The following CFAP20DC variants were observed in gnomAD, a reference collection of about 807,000 sequenced individuals.
CFAP20DC encodes protein CFAP20DC.
Under a neutral mutation model 101.7 loss-of-function variants are expected in CFAP20DC, and 84 were observed. The ratio of observed to expected loss-of-function variants is 0.83; its 90% CI spans 0.69 to 0.99. CFAP20DC has a LOEUF of 0.99. CFAP20DC is among the 50% of genes least tolerant of loss of function. CFAP20DC has a pLI of 0.00. For missense variants in CFAP20DC, 1,007 were observed against 970.3 expected, an observed-to-expected ratio of 1.04 and a Z score of -0.50; for synonymous variants, 359 against 351.2, an observed-to-expected ratio of 1.02 and a Z score of -0.25.
intron 15 of CFAP20DC, among the ~76,000 whole-genome samples, chr3:58,798,444 T>C (rs981048610): frequency 6.6e-6 from 1 of 152,198 alleles, no homozygotes; most frequent in African/African-American, 2.4e-5. Flanking sequence ...TGATCAAACC[T>C]GAATAGATGA....
chr3:58,808,520 A>G (rs2074312505), intron 14 of CFAP20DC, among the ~76,000 whole-genome samples: 2 of 152,216 alleles, frequency 1.3e-5, no homozygotes, highest in South Asian at 4.1e-4. Flanking sequence ...ATGCTGAGAC[A>G]TTTTGTCACC....
At chr3:59,013,181 G>A (rs188972762) in intron 4 of CFAP20DC, among the ~76,000 whole-genome samples, 15 of 152,238 alleles carry the variant, frequency 9.9e-5, no homozygotes, top group Admixed American at 8.5e-4. Context: ...ACATGACCAC[G>A]GCTAGCTACA....
At position 59,049,652 on chromosome 3, in the gene CFAP20DC, T is replaced by G; in HGVS notation, c.-21A>C. 2.6e-6 allele frequency: 4 copies of G among 1,535,854 alleles called. No homozygotes were observed. Among genetic ancestry groups the G allele is most frequent in the Non-Finnish European group, 3.5e-6 (4 of 1,146,676 alleles). ...AACATTCCCGCAGGGGGCCCAGGGC[T>G]TGGGGGGCACAGAGTTCAGGGTTTC... On this transcript the variant is annotated 5_prime_UTR_variant, in exon 1 of 17. Transcript: ENST00000482387.
At position 58,882,882 on chromosome 3, in the gene CFAP20DC, G is replaced by A. The variant is rs2081330497; in HGVS notation, c.715+1663C>T. On this transcript the variant is annotated intron_variant, in intron 7 of 16. Coordinates refer to ENST00000482387, the MANE Select transcript of CFAP20DC (RefSeq NM_001394063.1). The surrounding 1 kb of genome is among the most constrained non-coding windows in gnomAD (Gnocchi z 4.2). Reference sequence around the variant, plus strand: ...ATTCTCTCGAATTTTCTGTAAGTTTGGAAATGTCATAATAAAGGACTAAAT... The same window carrying A: ...ATTCTCTCGAATTTTCTGTAAGTTTAGAAATGTCATAATAAAGGACTAAAT... 6.6e-6 allele frequency among the ~76,000 whole-genome samples: 1 copy of A among 152,068 alleles called. No individual in the cohort carries two copies. The highest frequency in any genetic ancestry group is 1.5e-5 in the Non-Finnish European group (1 of 68,000).
intron 4 of CFAP20DC, among the ~76,000 whole-genome samples, chr3:58,979,602 G>T (rs757204493): frequency 7.9e-5 from 12 of 152,108 alleles, no homozygotes; most frequent in Non-Finnish European, 1.2e-4. Flanking sequence ...TCTGCTTCCG[G>T]TCTGGTATCT....
rs1486414246 is a variant in CFAP20DC at position 58,866,580 on chromosome 3, G to C, written c.1244C>G (p.Ser415Cys). 1.9e-6 allele frequency: 3 copies of C among 1,611,762 alleles called. No individual in the cohort carries two copies. The highest frequency in any genetic ancestry group is 2.2e-5 in the South Asian group (2 of 90,674). ...LLNSGTLGPQSPDQSDEWIFP... is the reference protein window; with the variant it reads ...LLNSGTLGPQCPDQSDEWIFP... ...AAGATGCCAACCTGATTGATCAGGA[G>C]ACTGGGGTCCTAGAGTGCCGGAGTT... The change falls in exon 11 of 17, where the codon TCT (serine) becomes TGT (cysteine). Residue 415 changes from serine to cysteine, a missense_variant. Ser to Cys is a moderately radical substitution (Grantham distance 112). Coordinates refer to ENST00000482387, the MANE Select transcript of CFAP20DC (RefSeq NM_001394063.1).
At chr3:58,968,297 A>G (rs1005520306) in intron 4 of CFAP20DC, among the ~76,000 whole-genome samples, 1 of 152,174 alleles carries the variant, frequency 6.6e-6, no homozygotes. Context: ...ACTGCTTTCC[A>G]CAATGGTTGA....
chr3:59,005,186 A>T (rs2093405756), intron 4 of CFAP20DC, among the ~76,000 whole-genome samples: 2 of 152,100 alleles, frequency 1.3e-5, no homozygotes, highest in Non-Finnish European at 2.9e-5. Context: ...TGTCTCTACC[A>T]ATGCCATGGG....
intron 4 of CFAP20DC, among the ~76,000 whole-genome samples, chr3:58,940,617 C>G (rs2088411744): frequency 6.6e-6 from 1 of 152,112 alleles, no homozygotes; most frequent in African/African-American, 2.4e-5. Context: ...TCTGGACTGT[C>G]TGTTGATTCA....
At chr3:58,927,333 G>C (rs1175444002) in intron 5 of CFAP20DC, among the ~76,000 whole-genome samples, 1 of 152,130 alleles carries the variant, frequency 6.6e-6, no homozygotes. Context: ...AGGCAAAGTG[G>C]ACCATTCGGC....
chr3:58,807,149 C>T (rs1044498260), intron 14 of CFAP20DC, among the ~76,000 whole-genome samples: 1 of 152,168 alleles, frequency 6.6e-6, no homozygotes, highest in African/African-American at 2.4e-5. Flanking sequence ...GGGGCACAGA[C>T]AAAAAGACAG....
intron 12 of CFAP20DC, among the ~76,000 whole-genome samples, chr3:58,855,965 C>T (rs1477222148): frequency 3.4e-5 from 5 of 147,788 alleles, no homozygotes; most frequent in African/African-American, 1.0e-4. Context: ...TGCACATGTA[C>T]CCTAAAACTT....
chr3:58,935,435 T>C (rs562505562), intron 5 of CFAP20DC, among the ~76,000 whole-genome samples: 41 of 151,822 alleles, frequency 2.7e-4, no homozygotes, highest in African/African-American at 1.0e-3. Context: ...TTAAAGTTCA[T>C]ATGGAACCAA....
chr3:58,752,982 T>C (rs1221137739), intron 16 of CFAP20DC, among the ~76,000 whole-genome samples: 1 of 152,102 alleles, frequency 6.6e-6, no homozygotes, highest in African/African-American at 2.4e-5. Context: ...CTGAGGTTAT[T>C]TGTCACTCCA....
At position 58,913,801 on chromosome 3, in the gene CFAP20DC, G is replaced by A; in HGVS notation, c.457C>T (p.Gln153Ter). Residue 153 changes from glutamine to a stop codon, truncating the protein, a stop_gained, in exon 6 of 17, where the codon CAG becomes TAG. Transcript: ENST00000482387. LOFTEE classifies it high-confidence loss of function. The surrounding 1 kb of genome is among the most constrained non-coding windows in gnomAD (Gnocchi z 4.4). ...GAGACAACAATTCCATCCAATGACT[G>A]GAAAACTGCCCCCTTGAATATTTCA... ...TSEIFKGAVF[Q>*]SLDGIVVSAN... The A allele has an allele frequency of 6.2e-7, 1 of 1,613,620 alleles. No individual in the cohort carries two copies.
At chr3:58,801,418 C>T (rs750752291) in intron 15 of CFAP20DC, among the ~76,000 whole-genome samples, 1 of 152,190 alleles carries the variant, frequency 6.6e-6, no homozygotes, top group African/African-American at 2.4e-5. Flanking sequence ...AATCCTCTGT[C>T]ATGTCTTGGT....
At chr3:58,822,061 C>G (rs1308061849) in intron 14 of CFAP20DC, among the ~76,000 whole-genome samples, 11 of 140,128 alleles carry the variant, frequency 7.8e-5, no homozygotes, top group African/African-American at 1.4e-4. Flanking sequence ...AACCAAACAC[C>G]GCATATTCTC....
intron 4 of CFAP20DC, among the ~76,000 whole-genome samples, chr3:59,016,761 A>G (rs2093697825): frequency 6.6e-6 from 1 of 152,102 alleles, no homozygotes; most frequent in African/African-American, 2.4e-5. Flanking sequence ...GGGCCTGAGA[A>G]TCTGGAGTTC....
At chr3:58,739,211 A>C (rs2067826370), downstream of CFAP20DC, among the ~76,000 whole-genome samples, 1 of 152,188 alleles carries the variant, frequency 6.6e-6, no homozygotes, top group Non-Finnish European at 1.5e-5. Context: ...TAAATCATTG[A>C]TCTGATGCCA....
Sources: allele counts gnomAD v4.1 joint callset (sites outside exome capture counted in the v4.1 genomes callset), GRCh38; gene constraint gnomAD v4.1.1; non-coding constraint Gnocchi (gnomAD v3.1); transcripts MANE v1.5; gene names NCBI Gene and HGNC (gene_info 2026-07-23, HGNC 2026-07-21).